Variants in DNAH5 observed in about 807,000 individuals in gnomAD.
The protein encoded by DNAH5 is dynein axonemal heavy chain 5.
Under a neutral mutation model 518.2 loss-of-function variants are expected in DNAH5, and 372 were observed. The ratio of observed to expected loss-of-function variants is 0.72; its 90% confidence interval spans 0.66 to 0.78. The LOEUF (loss-of-function observed/expected upper bound fraction) is 0.78, where lower values mean the gene tolerates loss of function less well. DNAH5 is among the 30% of genes least tolerant of loss of function. DNAH5 has a pLI of 0.00. For missense variants in DNAH5, 5,523 were observed against 5,687.0 expected, an observed-to-expected ratio of 0.97 and a Z score of 0.93; for synonymous variants, 2,039 against 2,025.9, an observed-to-expected ratio of 1.01 and a Z score of -0.17.
At chr5:13,902,403 G>C (rs1774756111) in intron 12 of DNAH5, among the ~76,000 whole-genome samples, 1 of 152,194 alleles carries the variant, frequency 6.6e-6, no homozygotes, top group South Asian at 2.1e-4. Context: ...TGGCACTGGG[G>C]CCTTATCGCA....
chr5:13,859,294 C>T (rs938598821), intron 30 of DNAH5, among the ~76,000 whole-genome samples, 158 bp downstream of exon 30: 2 of 152,112 alleles, frequency 1.3e-5, no homozygotes, highest in East Asian at 1.9e-4. Flanking sequence ...CACAATTCCT[C>T]ACTCCCTTTG....
At position 13,830,790 on chromosome 5, in the gene DNAH5, A is replaced by T; in HGVS notation, c.5883-15T>A. 6.2e-7 allele frequency: 1 copy of T among 1,613,886 alleles called. No homozygotes were observed. The highest frequency in any genetic ancestry group is 8.5e-7 in the Non-Finnish European group (1 of 1,179,914). ...TGATGTAACATCTGCATGGGTAGAAACATCACTAGAACCAGCCCTCAGTCA... is the reference window on the plus strand; with the variant it reads ...TGATGTAACATCTGCATGGGTAGAATCATCACTAGAACCAGCCCTCAGTCA... On this transcript the variant is annotated splice_polypyrimidine_tract_variant and intron_variant, in intron 35 of 78. Coordinates refer to ENST00000265104, the MANE Select transcript of DNAH5 (RefSeq NM_001369.3).
intron 70 of DNAH5, among the ~76,000 whole-genome samples, chr5:13,721,863 A>T (rs1561112684): frequency 6.6e-6 from 1 of 151,590 alleles, no homozygotes; most frequent in African/African-American, 2.4e-5. Context: ...CAACCATAGA[A>T]AAAAATTATG....
intron 47 of DNAH5, among the ~76,000 whole-genome samples, chr5:13,806,837 T>C (rs1186951547): frequency 6.6e-6 from 1 of 152,216 alleles, no homozygotes; most frequent in Non-Finnish European, 1.5e-5. Flanking sequence ...GAGGGGTTTT[T>C]TTTCTCTCAC....
At chr5:13,857,350 A>C (rs1767773433) in intron 30 of DNAH5, among the ~76,000 whole-genome samples, 1 of 152,214 alleles carries the variant, frequency 6.6e-6, no homozygotes, top group Non-Finnish European at 1.5e-5. Context: ...CCACTGCTCA[A>C]GGAAATAACA....
At chr5:13,711,039 C>T (rs1026614621) in intron 75 of DNAH5, among the ~76,000 whole-genome samples, 1 of 152,116 alleles carries the variant, frequency 6.6e-6, no homozygotes. Flanking sequence ...CACCCTAATA[C>T]CAAAATCAGG....
chr5:13,990,127 A>C (rs982501609), intron 1 of DNAH5, among the ~76,000 whole-genome samples: 2 of 152,212 alleles, frequency 1.3e-5, no homozygotes, highest in African/African-American at 4.8e-5. Flanking sequence ...AAACATGAGA[A>C]AAAGTAAATT....
In DNAH5 at chr5:13,820,366, G is replaced by A; in HGVS notation, c.6821C>T (p.Thr2274Ile). ...SGAGKTTCIHTLMRAMTDCGK... is the reference protein window; with the variant it reads ...SGAGKTTCIHILMRAMTDCGK... ...TGTACCTGTCATGGCTCTCATCAAG[G>A]TGTGGATGCAGGTGGTCTTCCCAGC... The change falls in exon 41 of 79, where the codon ACC becomes ATC. Residue 2274 changes from threonine (T) to isoleucine (I), a missense_variant. Coordinates refer to ENST00000265104, the MANE Select transcript of DNAH5 (RefSeq NM_001369.3). 4 of 1,611,732 alleles carry A rather than the reference G, an allele frequency of 2.5e-6. No homozygotes were observed. Among genetic ancestry groups the A allele is most frequent in the Non-Finnish European group, 3.4e-6 (4 of 1,180,002 alleles).
intron 68 of DNAH5, among the ~76,000 whole-genome samples, chr5:13,731,526 A>G (rs539734129): frequency 5.9e-5 from 9 of 152,310 alleles, no homozygotes; most frequent in African/African-American, 2.2e-4. Flanking sequence ...GGGGGAGAGG[A>G]CATATTCCTG....
chr5:13,803,440 T>C (rs1759087342), intron 47 of DNAH5, among the ~76,000 whole-genome samples: 1 of 152,182 alleles, frequency 6.6e-6, no homozygotes, highest in African/African-American at 2.4e-5. Flanking sequence ...ACCAGCCCTT[T>C]AGATATTAAT....
chr5:13,989,536 T>G (rs1783351849), intron 1 of DNAH5, among the ~76,000 whole-genome samples: 2 of 146,536 alleles, frequency 1.4e-5, no homozygotes, highest in Non-Finnish European at 1.5e-5. Flanking sequence ...CAGGCTGGAG[T>G]GCAGTGGCGC....
At chr5:13,730,581 C>A (rs1045463195) in intron 68 of DNAH5, among the ~76,000 whole-genome samples, 3 of 150,744 alleles carry the variant, frequency 2.0e-5, no homozygotes, top group Non-Finnish European at 3.0e-5. Flanking sequence ...ACTACAGGCA[C>A]CCGCCACCAC....
intron 50 of DNAH5, 112 bp from the exon 51 acceptor site, chr5:13,789,026 T>A: frequency 9.7e-7 from 1 of 1,029,326 alleles, no homozygotes; most frequent in Non-Finnish European, 1.5e-6. Flanking sequence ...TTCAACATTT[T>A]AAAAAGTTAG....
At chr5:13,708,460 T>C in intron 75 of DNAH5, 125 bp from the exon 76 acceptor site, 1 of 867,328 alleles carries the variant, frequency 1.2e-6, no homozygotes, top group Non-Finnish European at 1.8e-6. Flanking sequence ...GCTTCTAATT[T>C]ATTGCATGGC....
chr5:13,829,471 A>C (rs753838244), intron 38 of DNAH5, 39 bp downstream of exon 38: 2 of 1,600,174 alleles, frequency 1.2e-6, no homozygotes, highest in African/African-American at 2.7e-5. Context: ...TAGAAAAATG[A>C]AACATGCCTA....
At position 13,850,808 on chromosome 5, in the gene DNAH5, T is replaced by G. The variant is rs934326211; in HGVS notation, c.4958A>C (p.Lys1653Thr). ...AGATTTATCTATGTTAGAAAACCGC[T>G]TGGCTTCCTATGAGAACAAGGTAAC... is the stretch of plus-strand genomic sequence containing the variant. ...DIAKQLPKEA[K>T]RFSNIDKSWV... The change falls in exon 31 of 79, where the codon AAG becomes ACG. Residue 1653 changes from lysine (K) to threonine (T), a missense_variant. Around this residue, in one of 3 missense-constraint regions of DNAH5, gnomAD observed 5,121 missense variants for 5,223.3 expected, o/e 0.98. Transcript: ENST00000265104. 1.2e-6 allele frequency: 2 copies of G among 1,614,174 alleles called. No individual in the cohort carries two copies. The highest frequency in any genetic ancestry group is 4.5e-5 in the East Asian group (2 of 44,884).
At chr5:13,988,732 T>TTTTTTTTTG (rs1394063056) in intron 1 of DNAH5, among the ~76,000 whole-genome samples, 1 of 147,730 alleles carries the variant, frequency 6.8e-6, no homozygotes, top group Non-Finnish European at 1.5e-5. Context: ...CAAATCTTTT[T>TTTTTTTTTG]TTTTTTTGAG....
intron 16 of DNAH5, among the ~76,000 whole-genome samples, chr5:13,892,503 ACATAGTTTT>A (rs1396123771): frequency 6.6e-6 from 1 of 152,256 alleles, no homozygotes; most frequent in African/African-American, 2.4e-5. Flanking sequence ...TTGAGATTTT[ACATAGTTTT>A]CTCTCAAAGA....
In DNAH5 at chr5:13,886,710, CAGTT is replaced by C. The variant is rs971266754; in HGVS notation, c.2578-585_2578-582del. Among the ~76,000 whole-genome samples the C allele has an allele frequency of 3.9e-5, 6 of 152,312 alleles. No individual in the cohort carries two copies. In the East Asian group the frequency reaches 9.6e-4, roughly 24 times the overall value. On this transcript the variant is annotated intron_variant, in intron 17 of 78. Transcript: ENST00000265104. Reference sequence around the variant, plus strand: ...GTAAGCCCATGAAACAACAGACTGTCAGTTAGGCACAGTGTCCAGCTCCATTCCA... The same window carrying C: ...GTAAGCCCATGAAACAACAGACTGTCAGGCACAGTGTCCAGCTCCATTCCA...
Sources: allele counts gnomAD v4.1 joint callset (sites outside exome capture counted in the v4.1 genomes callset), GRCh38; gene constraint gnomAD v4.1.1; regional missense constraint gnomAD v4.1.1; transcripts MANE v1.5; gene names NCBI Gene and HGNC (gene_info 2026-07-23, HGNC 2026-07-21).